FBXO11: variants seen among roughly 807,000 people sequenced by gnomAD.
FBXO11 encodes F-box only protein 11.
A neutral mutation model predicts 117.0 loss-of-function variants in FBXO11; 13 were observed. That is an observed-to-expected ratio of 0.11 (90% CI 0.07 to 0.18). The LOEUF (loss-of-function observed/expected upper bound fraction) is 0.18. FBXO11 is among the 10% of genes least tolerant of loss of function. The probability of loss-of-function intolerance (pLI) is 1.00; values close to 1 mark genes in which losing one functional copy is unlikely to be tolerated. For synonymous variants in FBXO11, 490 were observed against 380.5 expected, an observed-to-expected ratio of 1.29 and a Z score of -3.35; for missense variants, 767 against 1,164.4, an observed-to-expected ratio of 0.66 and a Z score of 4.97.
intron 1 of FBXO11, among the ~76,000 whole-genome samples, chr2:47,870,690 G>A (rs945377070): frequency 3.3e-5 from 5 of 152,206 alleles, no homozygotes; most frequent in Non-Finnish European, 7.3e-5. Context: ...AAGTGTAAGA[G>A]AATAAATTTC....
In FBXO11 at chr2:47,818,832, T is replaced by A. The variant is rs1450613956; in HGVS notation, c.1953A>T (p.Gly651=). The A allele has an allele frequency of 3.8e-6, 6 of 1,586,900 alleles. No individual in the cohort carries two copies. Among genetic ancestry groups the A allele is most frequent in the Non-Finnish European group, 4.3e-6 (5 of 1,171,774 alleles). ...TATAGATATCATTGTCTTCTAGCAC[T>A]CCATGTCCATTGTCATAAAAATAAA... ...VGVYFYDNGH[G]VLEDNDIYNH... The change falls in exon 16 of 23, where the codon GGA becomes GGT. Residue 651 remains glycine (G), a synonymous_variant. Transcript: ENST00000403359.
intron 1 of FBXO11, among the ~76,000 whole-genome samples, chr2:47,877,616 T>C (rs1342250833): frequency 6.6e-6 from 1 of 152,134 alleles, no homozygotes; most frequent in Non-Finnish European, 1.5e-5. Context: ...GTGCTTACCT[T>C]ACCCTAACGA....
At chr2:47,899,399 C>G (rs986893698) in intron 1 of FBXO11, among the ~76,000 whole-genome samples, 3 of 152,018 alleles carry the variant, frequency 2.0e-5, no homozygotes, top group Non-Finnish European at 4.4e-5. Flanking sequence ...GATACAATCC[C>G]TTACTTTTTA....
chr2:47,881,950 G>C (rs1375679763), intron 1 of FBXO11, among the ~76,000 whole-genome samples: 1 of 152,152 alleles, frequency 6.6e-6, no homozygotes, highest in Non-Finnish European at 1.5e-5. Context: ...GTTTCACCAT[G>C]ATGGCCAGGC....
At chr2:47,825,353 C>G (rs1402960653) in intron 11 of FBXO11, among the ~76,000 whole-genome samples, 1 of 151,660 alleles carries the variant, frequency 6.6e-6, no homozygotes, top group African/African-American at 2.4e-5. Flanking sequence ...TGATTTTATA[C>G]AGAATAAAAG....
At chr2:47,831,233 A>T (rs1672160893) in intron 11 of FBXO11, among the ~76,000 whole-genome samples, 4 of 151,840 alleles carry the variant, frequency 2.6e-5, no homozygotes, top group Admixed American at 2.6e-4. Context: ...CCTGACCAAC[A>T]TGGTGAAACC....
Position 47,807,048 on chromosome 2 carries a change from C to T in FBXO11, c.*1070G>A. 1 of 602,458 alleles carries T rather than the reference C, an allele frequency of 1.7e-6. No homozygotes were observed. The highest frequency in any genetic ancestry group is 2.9e-6 in the Non-Finnish European group (1 of 343,490). 37.3% of individuals were successfully genotyped at this position (602,458 alleles called of 1,614,324 possible). A position where few individuals can be genotyped will look rare whatever the true frequency, so the allele number is the denominator to read the frequency against. ...TTGAATACTCCACAATATATTAAGT[C>T]TAGATGTTATGGTACATGCATACAC... On this transcript the variant is annotated 3_prime_UTR_variant, in exon 23 of 23. Coordinates refer to ENST00000403359, the MANE Select transcript of FBXO11 (RefSeq NM_001190274.2).
chr2:47,855,509 A>G (rs936159741), intron 1 of FBXO11, among the ~76,000 whole-genome samples: 4 of 152,216 alleles, frequency 2.6e-5, no homozygotes, highest in Admixed American at 6.5e-5. Flanking sequence ...TGTACATAAG[A>G]AATTTCAACA....
chr2:47,854,950 T>C (rs1188691661), intron 1 of FBXO11, among the ~76,000 whole-genome samples: 2 of 151,582 alleles, frequency 1.3e-5, no homozygotes, highest in Non-Finnish European at 2.9e-5. Flanking sequence ...GCAACGTGCA[T>C]ATAAGAAACT....
At position 47,840,502 on chromosome 2, in the gene FBXO11, G is replaced by A. The variant is rs928613717; in HGVS notation, c.233-733C>T. 2.7e-5 allele frequency among the ~76,000 whole-genome samples: 4 copies of A among 148,098 alleles called. No individual in the cohort carries two copies. The Admixed American group carries it at 2.7e-4, about 10-fold the overall frequency. ...GTCTCATTCTGTCACCCAGGCTGGA[G>A]TGCAGTGGCCCGATCACAGCTCACT... On this transcript the variant is annotated intron_variant, in intron 1 of 22. Coordinates refer to ENST00000403359, the MANE Select transcript of FBXO11 (RefSeq NM_001190274.2).
chr2:47,900,634 ACGTACG>A (rs1451434320), intron 1 of FBXO11, among the ~76,000 whole-genome samples: 2 of 38,914 alleles, frequency 5.1e-5, no homozygotes, highest in African/African-American at 2.2e-4. Context: ...GTATACACAC[ACGTACG>A]TATATACACA....
intron 11 of FBXO11, among the ~76,000 whole-genome samples, chr2:47,827,845 T>C (rs1010973402): frequency 6.6e-6 from 1 of 151,324 alleles, no homozygotes; most frequent in Admixed American, 6.6e-5. Context: ...TACAGGTGGG[T>C]GCCACCATGC....
Position 47,818,851 on chromosome 2 carries a change from A to T in FBXO11, c.1934T>A (p.Phe645Tyr). ...TAGCACTCCATGTCCATTGTCATAA[A>T]AATAAACACCAACCTAAAATTTAAA... is the stretch of plus-strand genomic sequence containing the variant. ...IHSGKQVGVY[F>Y]YDNGHGVLED... is the part of the protein sequence containing the mutation. Residue 645 changes from phenylalanine to tyrosine, a missense_variant, in exon 16 of 23, where the codon TTT (phenylalanine) becomes TAT (tyrosine). Phe to Tyr is a conservative substitution (Grantham distance 22). Around this residue, in one of 10 missense-constraint regions of FBXO11, gnomAD observed 42 missense variants for 216.8 expected, o/e 0.19. Transcript: ENST00000403359. 6.3e-7 allele frequency: 1 copy of T among 1,585,222 alleles called. No individual in the cohort carries two copies. Among genetic ancestry groups the T allele is most frequent in the Non-Finnish European group, 8.5e-7 (1 of 1,171,946 alleles).
rs141899052 is a variant in FBXO11 at position 47,902,529 on chromosome 2, T to C, written c.232+2960A>G. 4.7e-4 allele frequency among the ~76,000 whole-genome samples: 72 copies of C among 152,166 alleles called. 1 individual carries two copies. Among genetic ancestry groups the C allele is most frequent in the African/African-American group, 1.5e-3 (64 of 41,514 alleles). ...GACAAAGCGTATATACACACACACA[T>C]AATGTATGTACAAACATGTATATAC... On this transcript the variant is annotated intron_variant, in intron 1 of 22. Coordinates refer to ENST00000403359, the MANE Select transcript of FBXO11 (RefSeq NM_001190274.2).
intron 1 of FBXO11, among the ~76,000 whole-genome samples, chr2:47,874,847 T>TA (rs994915231): frequency 6.8e-6 from 1 of 147,156 alleles, no homozygotes; most frequent in African/African-American, 2.5e-5. Context: ...ATACAAAATT[T>TA]AAAAAACATT....
At chr2:47,846,591 C>G (rs1400337078) in intron 1 of FBXO11, among the ~76,000 whole-genome samples, 3 of 151,894 alleles carry the variant, frequency 2.0e-5, no homozygotes, top group Admixed American at 6.6e-5. Context: ...TCAATTTTAA[C>G]TATAATTCAC....
rs111736453 is a variant in FBXO11 at position 47,834,464 on chromosome 2, C to T, written c.934+115G>A. On this transcript the variant is annotated intron_variant, in intron 7 of 22. Transcript: ENST00000403359. ...TAAAATATGTGTGATATCTTCATTC[C>T]TACTTTACCAGCAGGATATTATAAA... is the stretch of plus-strand genomic sequence containing the variant. 6.3e-5 allele frequency: 46 copies of T among 725,956 alleles called. No homozygotes were observed. In the African/African-American group the frequency reaches 7.7e-4, roughly 12 times the overall value. 45.0% of individuals were successfully genotyped at this position (725,956 alleles called of 1,614,324 possible). A position where few individuals can be genotyped will look rare whatever the true frequency, so the allele number is the denominator to read the frequency against.
chr2:47,873,061 C>T (rs1675741279), intron 1 of FBXO11, among the ~76,000 whole-genome samples: 1 of 152,064 alleles, frequency 6.6e-6, no homozygotes, highest in Admixed American at 6.5e-5. Context: ...AAAGTAGGAA[C>T]ACACAAAGTT....
At chr2:47,859,450 G>A (rs192633588) in intron 1 of FBXO11, among the ~76,000 whole-genome samples, 4 of 152,258 alleles carry the variant, frequency 2.6e-5, no homozygotes, top group Middle Eastern at 6.8e-3. Flanking sequence ...TTCACCGATT[G>A]GTGCTGTGAA....
Sources: gnomAD v4.1 joint callset for allele counts (sites outside exome capture counted in the v4.1 genomes callset) on GRCh38, gnomAD v4.1.1 for gene constraint, gnomAD v4.1.1 regional missense constraint, MANE v1.5 for transcripts, NCBI Gene and HGNC (gene_info 2026-07-23, HGNC 2026-07-21) for gene names.